The following XPA variants were observed in gnomAD, a reference collection of about 807,000 sequenced individuals.
XPA encodes DNA repair protein complementing XP-A cells.
A neutral mutation model predicts 35.7 loss-of-function variants in XPA; 27 were observed. The ratio of observed to expected loss-of-function variants is 0.76; its 90% CI spans 0.56 to 1.04. The LOEUF (loss-of-function observed/expected upper bound fraction) is 1.04, where lower values mean the gene tolerates loss of function less well. Among genes scored for constraint, XPA ranks in the 50% least tolerant of loss-of-function variants. The pLI is 0.00. For missense variants in XPA, 354 were observed against 342.7 expected, an observed-to-expected ratio of 1.03 and a Z score of -0.26; for synonymous variants, 133 against 118.4, an observed-to-expected ratio of 1.12 and a Z score of -0.80.
downstream of XPA, chr9:97,671,987 G>A (rs538047637): frequency 6.6e-6 from 1 of 152,318 alleles, no homozygotes; most frequent in East Asian, 1.9e-4. Context: ...CCAAGGTCTT[G>A]TAGTGAGTTA....
At chr9:97,671,887 T>G (rs1828203854), downstream of XPA, 1 of 152,240 alleles carries the variant, frequency 6.6e-6, no homozygotes, top group Non-Finnish European at 1.5e-5. Flanking sequence ...ACATCCTCAG[T>G]AATCCTTAAA....
chr9:97,667,311 T>G, the XPA span, among the ~76,000 whole-genome samples: 1 of 152,186 alleles, frequency 6.6e-6, no homozygotes, highest in Non-Finnish European at 1.5e-5. Context: ...AGTATTAATT[T>G]AGTATTTTAG....
chr9:97,693,737 G>T lies in XPA; in HGVS notation c.195C>A (p.Ala65=), dbSNP rs1181890980. ...CTCCTCCTGTGTCAATTATCTTTGG[G>T]GCTGCTTTTACATTAGCCATGCCTA... ...ATGGMANVKA[A]PKIIDTGGGF... is the part of the protein sequence containing the mutation. Residue 65 remains alanine (A), a synonymous_variant, in exon 2 of 6, where the codon GCC becomes GCA. Coordinates refer to ENST00000375128, the MANE Select transcript of XPA (RefSeq NM_000380.4). 1 of 1,612,744 alleles carries T rather than the reference G, an allele frequency of 6.2e-7. No homozygotes were observed. Among genetic ancestry groups the T allele is most frequent in the Non-Finnish European group, 8.5e-7 (1 of 1,179,914 alleles).
At chr9:97,669,712 T>G in the XPA span, 4 of 1,541,476 alleles carry the variant, frequency 2.6e-6, no homozygotes, top group Non-Finnish European at 3.6e-6. Context: ...TACAGGTATG[T>G]GGGGAACTTC....
chr9:97,688,983 G>A (rs779950478), intron 3 of XPA, among the ~76,000 whole-genome samples: 3 of 152,070 alleles, frequency 2.0e-5, no homozygotes, highest in Admixed American at 6.6e-5. Context: ...GGAGAACCAC[G>A]TGAAGTGAGA....
the XPA span, chr9:97,655,649 A>G: frequency 1.4e-6 from 2 of 1,465,008 alleles, no homozygotes; most frequent in South Asian, 1.2e-5. Context: ...TTTCTGTTCT[A>G]AATCCCAGTT....
chr9:97,657,464 C>A, the XPA span, among the ~76,000 whole-genome samples: 1 of 152,216 alleles, frequency 6.6e-6, no homozygotes, highest in Non-Finnish European at 1.5e-5. Context: ...TGGTGTGTCA[C>A]TTCTAGAGGC....
the XPA span, chr9:97,656,072 G>C: frequency 1.5e-5 from 24 of 1,613,568 alleles, no homozygotes; most frequent in Non-Finnish European, 1.9e-5. Context: ...AGAAGTTCTA[G>C]AAAAATGTAT....
intron 2 of XPA, among the ~76,000 whole-genome samples, chr9:97,691,216 T>C (rs1022120996): frequency 6.6e-6 from 1 of 152,268 alleles, no homozygotes; most frequent in East Asian, 1.9e-4. Context: ...ACAAAGCAAA[T>C]AGCTTCTTCA....
chr9:97,664,223 C>T, the XPA span: 1 of 579,292 alleles, frequency 1.7e-6, no homozygotes, highest in Non-Finnish European at 3.0e-6. Flanking sequence ...ATTCCATAGC[C>T]ACCAAAACTA....
chr9:97,679,400 C>G (rs1828469477), intron 5 of XPA, among the ~76,000 whole-genome samples: 1 of 151,986 alleles, frequency 6.6e-6, no homozygotes, highest in African/African-American at 2.4e-5. Flanking sequence ...GAAATATTTC[C>G]AAACAAAATA....
At chr9:97,695,006 C>CA (rs1828999348) in intron 1 of XPA, among the ~76,000 whole-genome samples, 1 of 152,158 alleles carries the variant, frequency 6.6e-6, no homozygotes, top group Non-Finnish European at 1.5e-5. Flanking sequence ...CTGTATGACT[C>CA]AATGTACATG....
chr9:97,697,109 C>A lies in XPA; in HGVS notation c.172+12G>T. The A allele has an allele frequency of 1.3e-6, 2 of 1,532,468 alleles. No homozygotes were observed. The highest frequency in any genetic ancestry group is 1.8e-6 in the Non-Finnish European group (2 of 1,141,450). 94.9% of individuals were successfully genotyped at this position (1,532,468 alleles called of 1,614,324 possible). A position where few individuals can be genotyped will look rare whatever the true frequency, so the allele number is the denominator to read the frequency against. ...GGGAGAGGGAAGGGGAAAGCGCGGA[C>A]GCGGCCCAAACCTCCAGTAGCCGCA... is the stretch of plus-strand genomic sequence containing the variant. On this transcript the variant is annotated intron_variant, in intron 1 of 5. Transcript: ENST00000375128.
intron 5 of XPA, among the ~76,000 whole-genome samples, chr9:97,679,810 G>C (rs1376423194): frequency 6.6e-6 from 1 of 152,154 alleles, no homozygotes; most frequent in Non-Finnish European, 1.5e-5. Flanking sequence ...TAACTAAGCA[G>C]TCAAACTACC....
At chr9:97,668,654 G>A in the XPA span, among the ~76,000 whole-genome samples, 1 of 152,116 alleles carries the variant, frequency 6.6e-6, no homozygotes, top group African/African-American at 2.4e-5. Context: ...ATTTCTGAAT[G>A]AGAAGACAGT....
chr9:97,679,761 G>A (rs1019141832), intron 5 of XPA, among the ~76,000 whole-genome samples: 2 of 152,164 alleles, frequency 1.3e-5, no homozygotes, highest in Admixed American at 6.5e-5. Flanking sequence ...AAAGGATAAA[G>A]GGTACCTTTA....
chr9:97,692,963 T>C (rs1209308017), intron 2 of XPA, among the ~76,000 whole-genome samples: 3 of 151,476 alleles, frequency 2.0e-5, no homozygotes, highest in Non-Finnish European at 4.4e-5. Context: ...AACAACAATA[T>C]AGACACACAT....
chr9:97,677,807 A>G (rs924826547), intron 5 of XPA, among the ~76,000 whole-genome samples: 3 of 152,028 alleles, frequency 2.0e-5, no homozygotes, highest in African/African-American at 7.2e-5. Context: ...TGGAGCAAGC[A>G]AGCATCCATA....
intron 2 of XPA, among the ~76,000 whole-genome samples, chr9:97,691,045 T>C (rs1402438019): frequency 6.6e-6 from 1 of 152,158 alleles, no homozygotes; most frequent in Non-Finnish European, 1.5e-5. Context: ...CAAAAGAGAT[T>C]AGTCCCAGAG....
Sources: gnomAD v4.1 joint callset for allele counts (sites outside exome capture counted in the v4.1 genomes callset) on GRCh38, gnomAD v4.1.1 for gene constraint, MANE v1.5 for transcripts, NCBI Gene and HGNC (gene_info 2026-07-23, HGNC 2026-07-21) for gene names.